Variants in MIPOL1 observed in about 807,000 individuals in gnomAD.
MIPOL1 encodes mirror-image polydactyly 1.
In MIPOL1, 57 loss-of-function variants were observed where a neutral mutation model predicts 60.9. The ratio of observed to expected loss-of-function variants is 0.94; its 90% CI spans 0.76 to 1.17. MIPOL1 has a LOEUF of 1.17. MIPOL1 is among the 50% of genes most tolerant of loss of function. The pLI is 0.00. For synonymous variants in MIPOL1, 179 were observed against 168.8 expected, an observed-to-expected ratio of 1.06 and a Z score of -0.47; for missense variants, 551 against 511.6, an observed-to-expected ratio of 1.08 and a Z score of -0.74.
chr14:37,445,760 A>G (rs954798814), intron 11 of MIPOL1, among the ~76,000 whole-genome samples: 1 of 151,994 alleles, frequency 6.6e-6, no homozygotes, highest in Non-Finnish European at 1.5e-5. Context: ...GCCCTCAGAA[A>G]TAACACCGCA....
At chr14:37,483,758 C>T (rs2094908491) in intron 11 of MIPOL1, among the ~76,000 whole-genome samples, 1 of 152,030 alleles carries the variant, frequency 6.6e-6, no homozygotes, top group African/African-American at 2.4e-5. Flanking sequence ...GCCTCAGCCT[C>T]CCGAGTACCT....
chr14:37,510,730 A>G (rs952766364), intron 12 of MIPOL1, among the ~76,000 whole-genome samples: 5 of 152,194 alleles, frequency 3.3e-5, no homozygotes, highest in African/African-American at 1.2e-4. Context: ...TCAGAGAATA[A>G]CAGATTAAAG....
intron 9 of MIPOL1, among the ~76,000 whole-genome samples, chr14:37,329,808 T>C (rs1235925392): frequency 2.0e-5 from 3 of 152,188 alleles, no homozygotes; most frequent in Non-Finnish European, 4.4e-5. Flanking sequence ...TGTCCTTTTA[T>C]GCAATAACTG....
At chr14:37,265,335 C>A (rs971111207) in intron 3 of MIPOL1, 1 of 152,102 alleles carries the variant, frequency 6.6e-6, no homozygotes, top group Non-Finnish European at 1.5e-5. Flanking sequence ...ATAGCCCAAG[C>A]ATAGTCCTTA....
At chr14:37,214,125 T>C (rs903167709) in intron 1 of MIPOL1, among the ~76,000 whole-genome samples, 5 of 152,162 alleles carry the variant, frequency 3.3e-5, no homozygotes, top group Non-Finnish European at 7.3e-5. Context: ...TAATAAATAA[T>C]TGCCTGAAGG....
intron 1 of MIPOL1, among the ~76,000 whole-genome samples, chr14:37,231,683 A>G (rs999745601): frequency 1.3e-5 from 2 of 152,204 alleles, no homozygotes; most frequent in African/African-American, 4.8e-5. Flanking sequence ...TTCATTATAA[A>G]AAGCATTCTC....
chr14:37,487,625 A>G (rs974941376), intron 11 of MIPOL1, among the ~76,000 whole-genome samples: 2 of 152,214 alleles, frequency 1.3e-5, no homozygotes, highest in African/African-American at 4.8e-5. Flanking sequence ...TTATTTGTGT[A>G]GAGGTGTTTA....
At chr14:37,252,384 G>T (rs192386436) in intron 3 of MIPOL1, among the ~76,000 whole-genome samples, 1 of 151,872 alleles carries the variant, frequency 6.6e-6, no homozygotes, top group Non-Finnish European at 1.5e-5. Context: ...TTGGAGGCTA[G>T]TAAATATTTA....
intron 1 of MIPOL1, among the ~76,000 whole-genome samples, chr14:37,205,573 A>G (rs1965947978): frequency 6.6e-6 from 1 of 151,962 alleles, no homozygotes; most frequent in Non-Finnish European, 1.5e-5. Flanking sequence ...GCATCCATCA[A>G]CTCATCATTT....
chr14:37,396,070 GT>G (rs553337707), intron 10 of MIPOL1, among the ~76,000 whole-genome samples: 7 of 146,990 alleles, frequency 4.8e-5, no homozygotes, highest in Admixed American at 2.0e-4. Flanking sequence ...TGTGTACCTT[GT>G]TTTTTTTTTG....
In MIPOL1 at chr14:37,283,348, T is replaced by C. The variant is rs1194291899; in HGVS notation, c.494-1970T>C. Among the ~76,000 whole-genome samples the C allele has an allele frequency of 2.0e-5, 3 of 152,084 alleles. No individual in the cohort carries two copies. In the East Asian group the frequency reaches 5.8e-4, roughly 29 times the overall value. ...TCCCAAAGTGCTAGGATTACAGGTG[T>C]GAGCCACCACGCCTGGCGCCTCATG... On this transcript the variant is annotated intron_variant, in intron 6 of 12. Transcript: ENST00000684589.
rs141221449 is a variant in MIPOL1 at position 37,319,582 on chromosome 14, G to A, written c.828+11063G>A. On this transcript the variant is annotated intron_variant, in intron 9 of 12. Transcript: ENST00000684589. ...GATTATGGGAACCTATTATAATTGA[G>A]GCAAGAGGTGATGAGGTTCTAAACA... Among the ~76,000 whole-genome samples, 515 of 152,254 alleles carry A rather than the reference G, an allele frequency of 3.4e-3. 2 individuals carry two copies. The highest frequency in any genetic ancestry group is 5.4e-3 in the Non-Finnish European group (370 of 68,010).
At chr14:37,304,742 T>C (rs546334824) in intron 7 of MIPOL1, among the ~76,000 whole-genome samples, 1 of 151,992 alleles carries the variant, frequency 6.6e-6, no homozygotes, top group South Asian at 2.1e-4. Context: ...CGCATGGATC[T>C]TTTCACTTAG....
At chr14:37,451,152 T>A (rs2094411226) in intron 11 of MIPOL1, among the ~76,000 whole-genome samples, 1 of 152,224 alleles carries the variant, frequency 6.6e-6, no homozygotes, top group African/African-American at 2.4e-5. Flanking sequence ...TGATATTTTC[T>A]ATGGAGTTAT....
chr14:37,356,659 G>C (rs893973381), intron 9 of MIPOL1, among the ~76,000 whole-genome samples: 1 of 152,178 alleles, frequency 6.6e-6, no homozygotes, highest in African/African-American at 2.4e-5. Flanking sequence ...GGGTGGGAGT[G>C]ACCCGATTTT....
At chr14:37,291,685 C>T (rs2085070318) in intron 7 of MIPOL1, among the ~76,000 whole-genome samples, 1 of 152,034 alleles carries the variant, frequency 6.6e-6, no homozygotes, top group Admixed American at 6.6e-5. Flanking sequence ...AATTTATTGG[C>T]TCACAGTTCT....
At chr14:37,501,961 G>C (rs2095222204) in intron 12 of MIPOL1, 1 of 152,224 alleles carries the variant, frequency 6.6e-6, no homozygotes, top group African/African-American at 2.4e-5. Context: ...TGCCTGGCTT[G>C]GTGGGTCCCA....
At chr14:37,304,877 G>A (rs2086653779) in intron 7 of MIPOL1, among the ~76,000 whole-genome samples, 1 of 151,616 alleles carries the variant, frequency 6.6e-6, no homozygotes, top group Non-Finnish European at 1.5e-5. Context: ...ACTGTTGTAG[G>A]CATAATTTAA....
chr14:37,275,154 A>T (rs2153397584), intron 6 of MIPOL1, among the ~76,000 whole-genome samples: 1 of 151,384 alleles, frequency 6.6e-6, no homozygotes, highest in African/African-American at 2.4e-5. Context: ...TGTGTAATAA[A>T]TAATTCTTAT....
Sources: gnomAD v4.1 joint callset for allele counts (sites outside exome capture counted in the v4.1 genomes callset) on GRCh38, gnomAD v4.1.1 for gene constraint, MANE v1.5 for transcripts, NCBI Gene and HGNC (gene_info 2026-07-23, HGNC 2026-07-21) for gene names.